Variants in SCAF4 observed in about 807,000 individuals in gnomAD.
SCAF4 encodes the protein SR-related CTD associated factor 4, also known as SR-related and CTD-associated factor 4.
SCAF4 carries 25 observed loss-of-function variants against 129.8 expected under a neutral mutation model. That is an observed-to-expected ratio of 0.19 (90% confidence interval 0.14 to 0.27). SCAF4 has a LOEUF of 0.27. SCAF4 is among the 10% of genes least tolerant of loss of function. The probability of loss-of-function intolerance (pLI) is 1.00; values close to 1 mark genes in which losing one functional copy is unlikely to be tolerated. For missense variants in SCAF4, 1,246 were observed against 1,457.1 expected (o/e 0.86, Z 2.36); for synonymous variants, 551 against 497.7 (o/e 1.11, Z -1.43).
chr21:31,708,188 G>A (rs988137140), intron 1 of SCAF4, among the ~76,000 whole-genome samples: 1 of 151,988 alleles, frequency 6.6e-6, no homozygotes. Context: ...AGGAGTTCGA[G>A]ACCAGCCTGG....
chr21:31,679,211 T>C (rs2833478), intron 19 of SCAF4, among the ~76,000 whole-genome samples: 18,397 of 152,198 alleles, frequency 0.12, 1,478 homozygotes, highest in East Asian at 0.32. Flanking sequence ...ATTTGATCTC[T>C]ACAGAATGAG....
rs767758010 is a variant in SCAF4 at position 31,701,123 on chromosome 21, G to C, written c.649C>G (p.Pro217Ala). Residue 217 changes from proline (P) to alanine (A), a missense_variant, in exon 7 of 20, where the codon CCT becomes GCT. Around this residue, in one of 6 missense-constraint regions of SCAF4, gnomAD observed 143 missense variants for 161.0 expected, o/e 0.89. Coordinates refer to ENST00000286835, the MANE Select transcript of SCAF4 (RefSeq NM_020706.2). Reference sequence around the variant, plus strand: ...GCCATCACAGCATTGTCAAGGGCAGGAGACTGTGGTTTTGGAGGCTGTTGA... The same window carrying C: ...GCCATCACAGCATTGTCAAGGGCAGCAGACTGTGGTTTTGGAGGCTGTTGA... Reference protein sequence around the residue: ...TFQQPPKPQSPALDNAVMAQV... With the variant: ...TFQQPPKPQSAALDNAVMAQV... 8.0e-5 allele frequency: 128 copies of C among 1,609,312 alleles called. No homozygotes were observed. Among genetic ancestry groups the C allele is most frequent in the Non-Finnish European group, 1.0e-4 (119 of 1,177,574 alleles).
chr21:31,698,378 A>G (rs949062785), intron 7 of SCAF4, among the ~76,000 whole-genome samples: 1 of 152,180 alleles, frequency 6.6e-6, no homozygotes, highest in Admixed American at 6.5e-5. Flanking sequence ...ATTCACATTA[A>G]TAAGAGAAAC....
intron 1 of SCAF4, among the ~76,000 whole-genome samples, chr21:31,721,575 A>G (rs1196337903): frequency 6.6e-6 from 1 of 152,182 alleles, no homozygotes; most frequent in Non-Finnish European, 1.5e-5. Flanking sequence ...GGATTGGTCA[A>G]CTATTGCTCT....
intron 1 of SCAF4, among the ~76,000 whole-genome samples, chr21:31,727,173 G>A (rs564861050): frequency 1.3e-5 from 2 of 151,954 alleles, no homozygotes; most frequent in Admixed American, 1.3e-4. Flanking sequence ...CTGCCTCCAG[G>A]GTTCAAACAA....
At chr21:31,674,904 A>G (rs1241441523) in intron 19 of SCAF4, among the ~76,000 whole-genome samples, 4 of 152,220 alleles carry the variant, frequency 2.6e-5, no homozygotes, top group African/African-American at 9.6e-5. Flanking sequence ...GACAAATTTC[A>G]ATTGCTGTAG....
chr21:31,705,442 A>G lies in SCAF4; in HGVS notation c.140T>C (p.Val47Ala). 1 of 1,297,090 alleles carries G rather than the reference A, an allele frequency of 7.7e-7. No homozygotes were observed. The highest frequency in any genetic ancestry group is 1.3e-5 in the South Asian group (1 of 74,996). 80.3% of individuals were successfully genotyped at this position (1,297,090 alleles called of 1,614,324 possible). Residue 47 changes from valine to alanine, a missense_variant, in exon 3 of 20, where the codon GTA (valine) becomes GCA (alanine). Physicochemically the swap from Val to Ala is moderately conservative, Grantham distance 64 (BLOSUM62 0). Coordinates refer to ENST00000286835, the MANE Select transcript of SCAF4 (RefSeq NM_020706.2). ...AGTTACCTTTTTGATGAACTTTTCT[A>G]CTATTTGAACTACATGCTTATAAAG... ...IKLYKHVVQI[V>A]EKFIKKCKPE...
intron 3 of SCAF4, among the ~76,000 whole-genome samples, chr21:31,704,677 T>G (rs1211188514): frequency 6.6e-6 from 1 of 152,184 alleles, no homozygotes; most frequent in East Asian, 1.9e-4. Flanking sequence ...ATTTTTACTT[T>G]TATAAATGTA....
At chr21:31,701,251 T>C in intron 6 of SCAF4, 80 bp from the exon 7 acceptor site, 1 of 1,288,224 alleles carries the variant, frequency 7.8e-7, no homozygotes, top group South Asian at 1.7e-5. Flanking sequence ...AAAAAATGTC[T>C]TAAAGGTGAT....
intron 7 of SCAF4, among the ~76,000 whole-genome samples, chr21:31,697,166 CATATAGA>C (rs2050407900): frequency 6.6e-6 from 1 of 151,944 alleles, no homozygotes; most frequent in Non-Finnish European, 1.5e-5. Flanking sequence ...CACCATAATG[CATATAGA>C]AAAGTGTCCA....
At chr21:31,720,788 A>G (rs774055813) in intron 1 of SCAF4, among the ~76,000 whole-genome samples, 21 of 152,308 alleles carry the variant, frequency 1.4e-4, no homozygotes, top group Admixed American at 2.6e-4. Flanking sequence ...AACTGTTCCC[A>G]CTGGATTACT....
chr21:31,696,258 G>T (rs926690356), intron 8 of SCAF4, 37 bp from the exon 9 acceptor site: 1 of 1,511,766 alleles, frequency 6.6e-7, no homozygotes, highest in Non-Finnish European at 9.2e-7. Context: ...CCATTCAAAA[G>T]CACAAGCTTC....
chr21:31,695,980 G>T, intron 9 of SCAF4, 133 bp downstream of exon 9: 1 of 522,950 alleles, frequency 1.9e-6, no homozygotes, highest in Non-Finnish European at 3.3e-6. Flanking sequence ...AAATAGTTAC[G>T]TGTTCAACAG....
In SCAF4 at chr21:31,705,432, G is replaced by A; in HGVS notation, c.150C>T (p.Phe50=). 7.8e-7 allele frequency: 1 copy of A among 1,274,468 alleles called. No individual in the cohort carries two copies. The highest frequency in any genetic ancestry group is 1.1e-6 in the Non-Finnish European group (1 of 909,422). 78.9% of individuals were successfully genotyped at this position (1,274,468 alleles called of 1,614,324 possible). A position where few individuals can be genotyped will look rare whatever the true frequency, so the allele number is the denominator to read the frequency against. The part of the protein sequence containing the change: ...YKHVVQIVEK[F]IKKCKPEYKV... ...AATGAGAGATAGTTACCTTTTTGAT[G>A]AACTTTTCTACTATTTGAACTACAT... is the stretch of plus-strand genomic sequence containing the variant. The change falls in exon 3 of 20, where the codon TTC becomes TTT. Residue 50 remains phenylalanine, a synonymous_variant. Transcript: ENST00000286835.
intron 16 of SCAF4, among the ~76,000 whole-genome samples, chr21:31,686,203 CAAA>C (rs761150826): frequency 4.0e-5 from 3 of 75,898 alleles, no homozygotes; most frequent in Admixed American, 1.3e-4. Context: ...ACTTGGTCTT[CAAA>C]AAAAAAAAAA....
At chr21:31,697,775 A>C (rs2050424311) in intron 7 of SCAF4, among the ~76,000 whole-genome samples, 1 of 152,258 alleles carries the variant, frequency 6.6e-6, no homozygotes, top group Admixed American at 6.5e-5. Context: ...ACAACACAGT[A>C]TATAGGACTA....
intron 9 of SCAF4, 76 bp downstream of exon 9, chr21:31,696,037 A>G (rs1426204998): frequency 1.2e-5 from 11 of 925,742 alleles, no homozygotes; most frequent in Non-Finnish European, 1.7e-5. Flanking sequence ...ATAGCTGCAG[A>G]GTGCTCTGTG....
intron 19 of SCAF4, among the ~76,000 whole-genome samples, chr21:31,683,072 C>G (rs1483016109): frequency 1.3e-5 from 2 of 152,176 alleles, no homozygotes; most frequent in Admixed American, 6.5e-5. Flanking sequence ...TTTCTTATGT[C>G]AAATTCTAAA....
intron 1 of SCAF4, among the ~76,000 whole-genome samples, chr21:31,710,717 A>G (rs1332279550): frequency 6.6e-6 from 1 of 152,260 alleles, no homozygotes; most frequent in Non-Finnish European, 1.5e-5. Context: ...GAGGTTAATC[A>G]GGATGCAAAA....
Sources: allele counts gnomAD v4.1 joint callset (sites outside exome capture counted in the v4.1 genomes callset), GRCh38; gene constraint gnomAD v4.1.1; regional missense constraint gnomAD v4.1.1; transcripts MANE v1.5; gene names NCBI Gene and HGNC (gene_info 2026-07-23, HGNC 2026-07-21).